ZNF286A: variants seen among roughly 807,000 people sequenced by gnomAD.
ZNF286A encodes the protein zinc finger protein ZNF286.
ZNF286A carries 34 observed loss-of-function variants against 49.3 expected under a neutral mutation model. The observed-to-expected ratio is 0.69, with a 90% confidence interval of 0.52 to 0.92. The LOEUF is 0.92. Ranked by LOEUF, ZNF286A falls within the 40% of genes least tolerant of loss-of-function variation. The probability of loss-of-function intolerance (pLI) is 0.00; values close to 1 mark genes in which losing one functional copy is unlikely to be tolerated. For missense variants in ZNF286A, 462 were observed against 600.2 expected (o/e 0.77, Z 2.41); for synonymous variants, 155 against 200.4 (o/e 0.77, Z 1.91).
intron 5 of ZNF286A, among the ~76,000 whole-genome samples, chr17:15,710,859 G>C (rs1386094187): frequency 6.6e-6 from 1 of 151,670 alleles, no homozygotes; most frequent in Non-Finnish European, 1.5e-5. Flanking sequence ...TTATGTTACA[G>C]ATATTTTTTC....
chr17:15,704,653 A>G, intron 3 of ZNF286A: 2 of 1,613,948 alleles, frequency 1.2e-6, no homozygotes, highest in Admixed American at 1.7e-5. Flanking sequence ...CGGGTGGAAG[A>G]TCTTGGTCAG....
At chr17:15,707,110 C>A (rs1263164749) in intron 4 of ZNF286A, among the ~76,000 whole-genome samples, 1 of 152,102 alleles carries the variant, frequency 6.6e-6, no homozygotes, top group East Asian at 1.9e-4. Flanking sequence ...GGACTGTTAG[C>A]CCCTCCCAAA....
intron 5 of ZNF286A, 100 bp downstream of exon 5, chr17:15,708,347 T>G (rs1990396408): frequency 2.4e-6 from 2 of 833,732 alleles, no homozygotes; most frequent in Non-Finnish European, 3.4e-6. Context: ...CCCTTATTTT[T>G]AAATTTTTTT....
At position 15,708,145 on chromosome 17, in the gene ZNF286A, A is replaced by G. The variant is rs561280667; in HGVS notation, c.242-10A>G. On this transcript the variant is annotated splice_polypyrimidine_tract_variant and intron_variant, in intron 4 of 5. Transcript: ENST00000583566. ...CTTCTTTCTGTCTTTTTCTTTTTTT[A>G]AATGAATAGGGCTTCCAGTTTCCAA... is the stretch of plus-strand genomic sequence containing the variant. 313 of 1,527,362 alleles carry G rather than the reference A, an allele frequency of 2.0e-4. 3 individuals carry two copies. In the South Asian group the frequency reaches 3.9e-3, roughly 19 times the overall value. The allele number at this position is 1,527,362 out of a possible 1,614,324, so 94.6% of individuals were successfully genotyped here.
rs1416264318 is a variant in ZNF286A at position 15,718,604 on chromosome 17, G to C, written c.*1314G>C. ...CAGGGCATACTTCCCTGTATGAGTG[G>C]AAAACAAGGCACGGAAAATAGCTCA... On this transcript the variant is annotated 3_prime_UTR_variant, in exon 6 of 6. Transcript: ENST00000583566. The C allele has an allele frequency of 6.6e-6, 1 of 151,104 alleles. No homozygotes were observed. The highest frequency in any genetic ancestry group is 1.5e-5 in the Non-Finnish European group (1 of 67,910). The allele number at this position is 151,104 out of a possible 1,614,324, so 9.4% of individuals were successfully genotyped here. A position where few individuals can be genotyped will look rare whatever the true frequency, so the allele number is the denominator to read the frequency against.
At chr17:15,708,991 C>T (rs1313546269) in intron 5 of ZNF286A, among the ~76,000 whole-genome samples, 1 of 152,042 alleles carries the variant, frequency 6.6e-6, no homozygotes, top group East Asian at 1.9e-4. Context: ...AGGATAGATA[C>T]ATACTCACTT....
chr17:15,712,549 A>G (rs1990750218), intron 5 of ZNF286A, among the ~76,000 whole-genome samples: 1 of 152,202 alleles, frequency 6.6e-6, no homozygotes, highest in South Asian at 2.1e-4. Flanking sequence ...ACTGTCATCA[A>G]ATTGTACGTG....
At chr17:15,713,752 G>A (rs1294699622) in intron 5 of ZNF286A, among the ~76,000 whole-genome samples, 1 of 149,556 alleles carries the variant, frequency 6.7e-6, no homozygotes, top group East Asian at 2.0e-4. Flanking sequence ...GACCTTATCA[G>A]AAAAGCCTTT....
chr17:15,706,364 G>A lies in ZNF286A; in HGVS notation c.127-23G>A, dbSNP rs1567705658. On this transcript the variant is annotated intron_variant, in intron 3 of 5. Transcript: ENST00000583566. ...GAGAAGTAATTAAGGGAAAGATGTT[G>A]AAAAAAATATTTTATGTTTTAGGAA... 3 of 1,600,896 alleles carry A rather than the reference G, an allele frequency of 1.9e-6. No individual in the cohort carries two copies. The East Asian group carries it at 6.7e-5, about 36-fold the overall frequency.
Position 15,716,718 on chromosome 17 carries a change from G to A in ZNF286A, c.994G>A (p.Gly332Arg). ...GERPYECNEC[G>R]KGFNRSTHLV... ...GAGACCTTATGAATGCAATGAATGTGGGAAAGGTTTTAATCGAAGTACACA... is the reference window on the plus strand; with the variant it reads ...GAGACCTTATGAATGCAATGAATGTAGGAAAGGTTTTAATCGAAGTACACA... Residue 332 changes from glycine to arginine, a missense_variant, in exon 6 of 6, where the codon GGG becomes AGG. Physicochemically the swap from Gly to Arg is moderately radical, Grantham distance 125. Coordinates refer to ENST00000583566, the MANE Select transcript of ZNF286A (RefSeq NM_001130842.2). 6.2e-7 allele frequency: 1 copy of A among 1,613,936 alleles called. No individual in the cohort carries two copies.
rs2530059 is a variant in ZNF286A, at chr17:15,719,591, C to T, written c.*2301C>T. The T allele has an allele frequency of 6.6e-6, 1 of 151,542 alleles. No individual in the cohort carries two copies. The highest frequency in any genetic ancestry group is 2.4e-5 in the African/African-American group (1 of 41,160). 9.4% of individuals were successfully genotyped at this position (151,542 alleles called of 1,614,324 possible). ...AAGGGGAGAGCTCTGGTATCTTCAG[C>T]CCCTTATAAGGGCACTAATCCCATT... On this transcript the variant is annotated 3_prime_UTR_variant, in exon 6 of 6. Coordinates refer to ENST00000583566, the MANE Select transcript of ZNF286A (RefSeq NM_001130842.2).
At chr17:15,704,651 A>C in intron 3 of ZNF286A, 1 of 1,613,992 alleles carries the variant, frequency 6.2e-7, no homozygotes, top group Non-Finnish European at 8.5e-7. Flanking sequence ...TTCGGGTGGA[A>C]GATCTTGGTC....
chr17:15,717,285 C>T lies in ZNF286A; in HGVS notation c.1561C>T (p.Pro521Ser). ...RHQRVHTEEQ[P>S] ...TCAAAGAGTTCACACTGAAGAGCAA[C>T]CCTGAAAAATTACTGAATGTGAAGA... Residue 521 changes from proline (P) to serine (S), a missense_variant, in exon 6 of 6, where the codon CCC becomes TCC. Pro to Ser is a moderately conservative substitution (Grantham distance 74, BLOSUM62 -1). Coordinates refer to ENST00000583566, the MANE Select transcript of ZNF286A (RefSeq NM_001130842.2). The T allele has an allele frequency of 1.3e-6, 2 of 1,569,318 alleles. No homozygotes were observed. Among genetic ancestry groups the T allele is most frequent in the East Asian group, 2.3e-5 (1 of 44,094 alleles).
rs1967047952 is a variant in ZNF286A, at chr17:15,716,306, C to G, written c.582C>G (p.Tyr194Ter). The G allele has an allele frequency of 1.9e-6, 3 of 1,613,724 alleles. No homozygotes were observed. The highest frequency in any genetic ancestry group is 2.2e-5 in the East Asian group (1 of 44,888). ...AAACAGACCATAAGCATGATGTATA[C>G]TGGAAAAGCTTCAATCAGAAATCTG... ...SEETDHKHDVYWKSFNQKSVL... is the reference protein window; with the variant it reads ...SEETDHKHDV The change falls in exon 6 of 6, where the codon TAC (tyrosine) becomes TAG (stop). Residue 194 changes from tyrosine (Y) to a stop codon, truncating the protein, a stop_gained. Coordinates refer to ENST00000583566, the MANE Select transcript of ZNF286A (RefSeq NM_001130842.2). LOFTEE classifies it high-confidence loss of function.
chr17:15,714,579 A>G (rs1415225154), intron 5 of ZNF286A, among the ~76,000 whole-genome samples: 1 of 152,192 alleles, frequency 6.6e-6, no homozygotes, highest in African/African-American at 2.4e-5. Flanking sequence ...CAAGATGGAT[A>G]CTGTTATTGC....
At chr17:15,705,662 A>G (rs1990175875) in intron 3 of ZNF286A, among the ~76,000 whole-genome samples, 1 of 152,182 alleles carries the variant, frequency 6.6e-6, no homozygotes, top group African/African-American at 2.4e-5. Context: ...ATCCAGTTAG[A>G]GCATTTGATT....
At chr17:15,702,120 CAAAA>C (rs916890935) in intron 3 of ZNF286A, among the ~76,000 whole-genome samples, 1 of 96,692 alleles carries the variant, frequency 1.0e-5, no homozygotes. Context: ...AACTCTGTCT[CAAAA>C]AAAAAAAAAA....
chr17:15,699,920 C>T, intron 1 of ZNF286A, 143 bp downstream of exon 1: 1 of 661,254 alleles, frequency 1.5e-6, no homozygotes, highest in Admixed American at 2.2e-5. Flanking sequence ...CCTTCTCACT[C>T]TGGCCTGATC....
Position 15,716,189 on chromosome 17 carries a change from C to T in ZNF286A, c.465C>T (p.Ala155=), listed in dbSNP as rs1323399461. ...TCTATGACTCTAACTTGGAAGCAGCCCTTGAATGTGAAAATTGGTTAGAGA... is the reference window on the plus strand; with the variant it reads ...TCTATGACTCTAACTTGGAAGCAGCTCTTGAATGTGAAAATTGGTTAGAGA... ...NSVYDSNLEA[A]LECENWLENQ... is the part of the protein sequence containing the mutation. Residue 155 remains alanine (A), a synonymous_variant, in exon 6 of 6, where the codon GCC becomes GCT. Transcript: ENST00000583566. 6.2e-7 allele frequency: 1 copy of T among 1,613,754 alleles called. No individual in the cohort carries two copies. The highest frequency in any genetic ancestry group is 8.5e-7 in the Non-Finnish European group (1 of 1,179,800).
Sources: allele counts gnomAD v4.1 joint callset (sites outside exome capture counted in the v4.1 genomes callset), GRCh38; gene constraint gnomAD v4.1.1; transcripts MANE v1.5; gene names NCBI Gene and HGNC (gene_info 2026-07-23, HGNC 2026-07-21).